The following MRC1 variants were observed in gnomAD, a reference collection of about 807,000 sequenced individuals.
MRC1 encodes the protein macrophage mannose receptor 1.
Under a neutral mutation model 102.9 loss-of-function variants are expected in MRC1, and 62 were observed. The ratio of observed to expected loss-of-function variants is 0.60; its 90% CI spans 0.49 to 0.74. The LOEUF (loss-of-function observed/expected upper bound fraction) is 0.74. Ranked by LOEUF, MRC1 falls within the 30% of genes least tolerant of loss-of-function variation. The pLI, the probability that MRC1 is intolerant of heterozygous loss-of-function variation, is 0.00. For synonymous variants in MRC1, 457 were observed against 298.4 expected (o/e 1.53, Z -5.48); for missense variants, 1,237 against 862.8 (o/e 1.43, Z -5.43).
chr10:17,811,915 C>G (rs908513003), intron 1 of MRC1, among the ~76,000 whole-genome samples: 7 of 152,072 alleles, frequency 4.6e-5, no homozygotes, highest in East Asian at 1.9e-4. Flanking sequence ...TTTCTTGGCC[C>G]GAGAAGCATG....
At chr10:17,818,204 A>AC (rs1210952438) in intron 1 of MRC1, among the ~76,000 whole-genome samples, 1 of 152,236 alleles carries the variant, frequency 6.6e-6, no homozygotes, top group African/African-American at 2.4e-5. Flanking sequence ...TATTCAGCAT[A>AC]CCTGTAATCA....
chr10:17,866,773 T>C lies in MRC1; in HGVS notation c.1983+12T>C. 1 of 780,800 alleles carries C rather than the reference T, an allele frequency of 1.3e-6. No individual in the cohort carries two copies. Among genetic ancestry groups the C allele is most frequent in the East Asian group, 2.4e-5 (1 of 41,236 alleles). The allele number at this position is 780,800 out of a possible 1,614,324, so 48.4% of individuals were successfully genotyped here. ...GCTTGTGTTTCAAGGTGAGTATCAG[T>C]TATAAAGCTGGTAAGAGAATCTGGA... On this transcript the variant is annotated intron_variant, in intron 12 of 29. Transcript: ENST00000569591.
chr10:17,877,331 A>G (rs1358197307), intron 17 of MRC1, among the ~76,000 whole-genome samples: 15 of 148,222 alleles, frequency 1.0e-4, no homozygotes, highest in African/African-American at 3.7e-4. Context: ...TAAAATATAT[A>G]TAGAAAATAT....
chr10:17,823,712 T>C (rs1838432745), intron 2 of MRC1, among the ~76,000 whole-genome samples: 1 of 152,020 alleles, frequency 6.6e-6, no homozygotes, highest in African/African-American at 2.4e-5. Context: ...AAGACATTCT[T>C]TTAACTTTCT....
At chr10:17,886,316 C>CTTCT (rs1231134042) in intron 22 of MRC1, among the ~76,000 whole-genome samples, 2 of 149,236 alleles carry the variant, frequency 1.3e-5, no homozygotes, top group African/African-American at 4.9e-5. Context: ...TCCTTCCTTC[C>CTTCT]CTCCTTCCTT....
intron 11 of MRC1, among the ~76,000 whole-genome samples, chr10:17,865,258 A>G (rs948487542): frequency 8.5e-5 from 13 of 152,228 alleles, no homozygotes; most frequent in Non-Finnish European, 1.6e-4. Context: ...AGGGAAATAG[A>G]TCAGTAACCT....
At chr10:17,827,449 G>A (rs34227837) in intron 2 of MRC1, 93 bp from the exon 3 acceptor site, 12,590 of 591,208 alleles carry the variant, frequency 0.021, 608 homozygotes, top group Non-Finnish European at 0.03. Flanking sequence ...AATCAGAACA[G>A]TAAGACCAAT....
intron 21 of MRC1, among the ~76,000 whole-genome samples, chr10:17,883,843 G>A (rs941998733): frequency 2.0e-5 from 3 of 152,190 alleles, no homozygotes; most frequent in Non-Finnish European, 4.4e-5. Context: ...GAGGGAAGGG[G>A]AGGGGCACAT....
rs1012676837 is a variant in MRC1 at position 17,885,002 on chromosome 10, C to A, written c.2981-267C>A. Among the ~76,000 whole-genome samples the A allele has an allele frequency of 5.2e-3, 796 of 152,272 alleles. 3 individuals carry two copies. The highest frequency in any genetic ancestry group is 8.3e-3 in the Non-Finnish European group (568 of 68,032). ...CAGATAGGGGCGCACAGAATGGAGC[C>A]CTTGGGCAGGGTGCAACTTGCACAA... On this transcript the variant is annotated intron_variant, in intron 21 of 29. Transcript: ENST00000569591.
chr10:17,833,527 A>G (rs1838612866), intron 3 of MRC1, 148 bp from the exon 4 acceptor site: 1 of 680,396 alleles, frequency 1.5e-6, no homozygotes, highest in Admixed American at 2.4e-5. Flanking sequence ...TCTCAAAAAA[A>G]AAAAAAAAAA....
At chr10:17,819,137 A>G (rs1225841206) in intron 1 of MRC1, among the ~76,000 whole-genome samples, 1 of 152,220 alleles carries the variant, frequency 6.6e-6, no homozygotes, top group African/African-American at 2.4e-5. Context: ...CTATTGAGTG[A>G]ACATTCAACC....
chr10:17,875,642 C>T (rs1202724151), intron 17 of MRC1, among the ~76,000 whole-genome samples: 1 of 152,186 alleles, frequency 6.6e-6, no homozygotes, highest in East Asian at 1.9e-4. Flanking sequence ...GTCTATACCA[C>T]ATTTTCTTTA....
rs956261577 is a variant in MRC1 at position 17,910,146 on chromosome 10, G to A, written c.4121-69G>A. 1.7e-3 allele frequency: 1,303 copies of A among 773,532 alleles called. 5 individuals carry two copies. Among genetic ancestry groups the A allele is most frequent in the Non-Finnish European group, 2.5e-3 (1,045 of 415,414 alleles). The allele number at this position is 773,532 out of a possible 1,614,324, so 47.9% of individuals were successfully genotyped here. ...TATGCCTTTTAGTTTTTCAACAAGC[G>A]AAGTTCTGCATAGCATGCAACCCTC... On this transcript the variant is annotated intron_variant, in intron 29 of 29. Transcript: ENST00000569591.
chr10:17,904,816 T>C (rs891748037), intron 26 of MRC1, among the ~76,000 whole-genome samples: 100 of 152,340 alleles, frequency 6.6e-4, no homozygotes, highest in African/African-American at 2.4e-3. Context: ...CACACTTCAA[T>C]GCATATCTGT....
intron 22 of MRC1, among the ~76,000 whole-genome samples, chr10:17,889,184 C>A (rs1833640882): frequency 1.3e-5 from 2 of 152,054 alleles, no homozygotes; most frequent in Non-Finnish European, 2.9e-5. Context: ...ATTTCTTATA[C>A]CAATATCTGA....
At chr10:17,871,234 A>G (rs1298111156) in intron 14 of MRC1, among the ~76,000 whole-genome samples, 4 of 152,310 alleles carry the variant, frequency 2.6e-5, no homozygotes, top group Admixed American at 2.6e-4. Flanking sequence ...CAATATTTAG[A>G]AGCCCTAGTC....
At chr10:17,837,880 C>T (rs886209289) in intron 4 of MRC1, among the ~76,000 whole-genome samples, 1 of 151,958 alleles carries the variant, frequency 6.6e-6, no homozygotes, top group African/African-American at 2.4e-5. Context: ...GGATTACAGG[C>T]GTGAGCCACC....
intron 4 of MRC1, 51 bp downstream of exon 4, chr10:17,833,890 T>C (rs1352250396): frequency 3.9e-6 from 3 of 775,348 alleles, no homozygotes; most frequent in African/African-American, 1.7e-5. Flanking sequence ...TATTTTTATA[T>C]AATTTAACTT....
rs1838501132 is a variant in MRC1 at position 17,827,649 on chromosome 10, T to C, written c.571T>C (p.Trp191Arg). ...CACGAGTGCTGGGCGGTCGGATGGA[T>C]GGCTCTGGTGCGGAACCACTACTGA... ...DCTSAGRSDGWLWCGTTTDYD... is the reference protein window; with the variant it reads ...DCTSAGRSDGRLWCGTTTDYD... The change falls in exon 3 of 30, where the codon TGG becomes CGG. Residue 191 changes from tryptophan (W) to arginine (R), a missense_variant. Transcript: ENST00000569591. The C allele has an allele frequency of 1.3e-6, 1 of 780,764 alleles. No individual in the cohort carries two copies. 48.4% of individuals were successfully genotyped at this position (780,764 alleles called of 1,614,324 possible). A position where few individuals can be genotyped will look rare whatever the true frequency, so the allele number is the denominator to read the frequency against.
Sources: allele counts gnomAD v4.1 joint callset (sites outside exome capture counted in the v4.1 genomes callset), GRCh38; gene constraint gnomAD v4.1.1; transcripts MANE v1.5; gene names NCBI Gene and HGNC (gene_info 2026-07-23, HGNC 2026-07-21).